The following CDH6 variants were observed in gnomAD, a reference collection of about 807,000 sequenced individuals.
The protein encoded by CDH6 is cadherin 6.
CDH6 carries 31 observed loss-of-function variants against 78.0 expected under a neutral mutation model. The ratio of observed to expected loss-of-function variants is 0.40; its 90% CI spans 0.30 to 0.54. The LOEUF (loss-of-function observed/expected upper bound fraction) is 0.54, where lower values mean the gene tolerates loss of function less well. Ranked by LOEUF, CDH6 falls within the 20% of genes least tolerant of loss-of-function variation. The probability of loss-of-function intolerance (pLI) is 0.56; values close to 1 mark genes in which losing one functional copy is unlikely to be tolerated. For missense variants in CDH6, 724 were observed against 975.9 expected (o/e 0.74, Z 3.44); for synonymous variants, 376 against 368.8 (o/e 1.02, Z -0.23).
chr5:31,220,593 A>C (rs1002627027), intron 1 of CDH6, among the ~76,000 whole-genome samples: 2 of 152,300 alleles, frequency 1.3e-5, no homozygotes, highest in African/African-American at 4.8e-5. Flanking sequence ...TTACAGTCTC[A>C]TGGAGGAAGG....
chr5:31,266,506 T>A (rs1441308863), intron 1 of CDH6, among the ~76,000 whole-genome samples: 1 of 152,148 alleles, frequency 6.6e-6, no homozygotes, highest in Non-Finnish European at 1.5e-5. Context: ...CAGGCAAAAA[T>A]TTATAGATAA....
At chr5:31,270,934 G>A (rs1455489693) in intron 2 of CDH6, among the ~76,000 whole-genome samples, 1 of 152,018 alleles carries the variant, frequency 6.6e-6, no homozygotes, top group Non-Finnish European at 1.5e-5. Flanking sequence ...CATACTCTGG[G>A]AACCACTAGA....
rs769660319 is a variant in CDH6 at position 31,302,332 on chromosome 5, A to G, written c.999+34A>G. The G allele has an allele frequency of 2.7e-6, 4 of 1,503,404 alleles. No individual in the cohort carries two copies. The South Asian group carries it at 5.1e-5, about 19-fold the overall frequency. The allele number at this position is 1,503,404 out of a possible 1,614,324, so 93.1% of individuals were successfully genotyped here. On this transcript the variant is annotated intron_variant, in intron 6 of 11. Coordinates refer to ENST00000265071, the MANE Select transcript of CDH6 (RefSeq NM_004932.4). The stretch of plus-strand genomic sequence containing the variant: ...GCTTCTTAAACACCATACAGAGTGA[A>G]CCCATTTACTTTTCTCCAGTTCCTA...
Position 31,278,214 on chromosome 5 carries a change from G to A in CDH6, c.228+10513G>A, listed in dbSNP as rs192247203. ...AAATCTAATGTCTTTAAAGTTCAAG[G>A]ATGTTTTAGATAGTAAACATATAAA... On this transcript the variant is annotated intron_variant, in intron 2 of 11. Coordinates refer to ENST00000265071, the MANE Select transcript of CDH6 (RefSeq NM_004932.4). Among the ~76,000 whole-genome samples the A allele has an allele frequency of 3.8e-3, 579 of 152,204 alleles. 3 individuals are homozygous for A. Among genetic ancestry groups the A allele is most frequent in the African/African-American group, 0.013 (556 of 41,538 alleles).
At chr5:31,210,267 C>T (rs1740660441) in intron 1 of CDH6, among the ~76,000 whole-genome samples, 1 of 152,144 alleles carries the variant, frequency 6.6e-6, no homozygotes, top group Admixed American at 6.6e-5. Flanking sequence ...ATAATCCCAG[C>T]ACTTTGGGAG....
In CDH6 at chr5:31,285,257, A is replaced by C. The variant is rs1742980656; in HGVS notation, c.229-8705A>C. Among the ~76,000 whole-genome samples the C allele has an allele frequency of 2.6e-5, 4 of 152,150 alleles. No homozygotes were observed. The South Asian group carries it at 8.3e-4, about 32-fold the overall frequency. ...AAGACCTCTTCTGATTTTCTCCCACACTGAGCCTTGAAACCATGCCATGTG... is the reference window on the plus strand; with the variant it reads ...AAGACCTCTTCTGATTTTCTCCCACCCTGAGCCTTGAAACCATGCCATGTG... On this transcript the variant is annotated intron_variant, in intron 2 of 11. Transcript: ENST00000265071.
chr5:31,194,044 G>A (rs1469172608), intron 1 of CDH6, among the ~76,000 whole-genome samples, 158 bp downstream of exon 1: 1 of 152,134 alleles, frequency 6.6e-6, no homozygotes, highest in African/African-American at 2.4e-5. Flanking sequence ...CCGGGTCGGG[G>A]CGGGCGCGCG....
intron 2 of CDH6, among the ~76,000 whole-genome samples, chr5:31,279,635 A>G (rs771217873): frequency 2.8e-4 from 42 of 152,136 alleles, no homozygotes; most frequent in Non-Finnish European, 5.1e-4. Context: ...TATGTTTACT[A>G]TTGATTAAGT....
At chr5:31,285,699 G>T (rs780963452) in intron 2 of CDH6, among the ~76,000 whole-genome samples, 2 of 152,076 alleles carry the variant, frequency 1.3e-5, no homozygotes, top group Non-Finnish European at 2.9e-5. Context: ...AATATAGTTC[G>T]GTAAAATCTT....
intron 1 of CDH6, among the ~76,000 whole-genome samples, chr5:31,256,472 T>C (rs1742057425): frequency 6.6e-6 from 1 of 152,136 alleles, no homozygotes; most frequent in Non-Finnish European, 1.5e-5. Context: ...AAGAGCAAAA[T>C]AAAGTGTAAC....
rs1740731916 is a variant in CDH6 at position 31,212,384 on chromosome 5, AT to A, written c.-129+18505del. ...TTCATTAATTGGAATGAGCCATGAC[AT>A]TTTTTTGTGTACAAATATAATGTGC... On this transcript the variant is annotated intron_variant, in intron 1 of 11. Transcript: ENST00000265071. Among the ~76,000 whole-genome samples, 6 of 152,258 alleles carry A rather than the reference AT, an allele frequency of 3.9e-5. No individual in the cohort carries two copies. In the South Asian group the frequency reaches 1.2e-3, roughly 32 times the overall value.
chr5:31,200,860 C>T (rs1171371083), intron 1 of CDH6, among the ~76,000 whole-genome samples: 1 of 152,078 alleles, frequency 6.6e-6, no homozygotes, highest in Non-Finnish European at 1.5e-5. Flanking sequence ...TTAATCTAGC[C>T]TTCAAGGAAA....
intron 1 of CDH6, among the ~76,000 whole-genome samples, chr5:31,263,225 C>T (rs958561278): frequency 2.7e-5 from 4 of 150,536 alleles, no homozygotes; most frequent in African/African-American, 9.8e-5. Flanking sequence ...GGTGAGGGGG[C>T]TCAGCATGCT....
chr5:31,255,005 C>T (rs1742017484), intron 1 of CDH6, among the ~76,000 whole-genome samples: 1 of 152,152 alleles, frequency 6.6e-6, no homozygotes, highest in South Asian at 2.1e-4. Flanking sequence ...TACACAAATG[C>T]TCTTTCTATT....
At chr5:31,265,551 C>T (rs1452502979) in intron 1 of CDH6, among the ~76,000 whole-genome samples, 1 of 152,056 alleles carries the variant, frequency 6.6e-6, no homozygotes, top group Non-Finnish European at 1.5e-5. Flanking sequence ...GTAAAACAAA[C>T]AAAAACCTTG....
chr5:31,265,149 C>T (rs1742306698), intron 1 of CDH6, among the ~76,000 whole-genome samples: 1 of 152,182 alleles, frequency 6.6e-6, no homozygotes, highest in African/African-American at 2.4e-5. Context: ...TCCACAGAAT[C>T]GACCTCAGTG....
At chr5:31,281,550 C>G (rs909160591) in intron 2 of CDH6, among the ~76,000 whole-genome samples, 1 of 152,164 alleles carries the variant, frequency 6.6e-6, no homozygotes, top group Non-Finnish European at 1.5e-5. Flanking sequence ...AGACTAATGT[C>G]ACAGTCTGCC....
intron 11 of CDH6, 135 bp downstream of exon 11, chr5:31,318,059 T>C: frequency 2.8e-6 from 3 of 1,071,198 alleles, no homozygotes; most frequent in Non-Finnish European, 4.3e-6. Context: ...ATACTGAGAA[T>C]CTGTGCTGTA....
Position 31,292,850 on chromosome 5 carries a change from TGC to T in CDH6, c.229-1111_229-1110del, listed in dbSNP as rs1375341131. Among the ~76,000 whole-genome samples the T allele has an allele frequency of 1.0e-3, 15 of 14,288 alleles. No individual in the cohort carries two copies. In the African/African-American group the frequency reaches 0.012, roughly 11 times the overall value. 9.4% of individuals were successfully genotyped at this position (14,288 alleles called of 152,430 possible). ...ATATATATATATATATATATATGTG[TGC>T]ATATATATATATATATATATATGTA... On this transcript the variant is annotated intron_variant, in intron 2 of 11. Transcript: ENST00000265071.
Sources: gnomAD v4.1 joint callset for allele counts (sites outside exome capture counted in the v4.1 genomes callset) on GRCh38, gnomAD v4.1.1 for gene constraint, MANE v1.5 for transcripts, NCBI Gene and HGNC (gene_info 2026-07-23, HGNC 2026-07-21) for gene names.